Variants in CREB5 observed in about 807,000 individuals in gnomAD.
CREB5 encodes cAMP responsive element binding protein 5.
Under a neutral mutation model 57.1 loss-of-function variants are expected in CREB5, and 19 were observed. The observed-to-expected ratio is 0.33, with a 90% confidence interval of 0.23 to 0.49. The LOEUF is 0.49. CREB5 is among the 20% of genes least tolerant of loss of function. CREB5 has a pLI of 0.99. For missense variants in CREB5, 579 were observed against 671.6 expected (o/e 0.86, Z 1.52); for synonymous variants, 238 against 238.3 (o/e 1.00, Z 0.01).
chr7:28,365,859 A>G (rs1023929474), intron 1 of CREB5, among the ~76,000 whole-genome samples: 4 of 152,302 alleles, frequency 2.6e-5, no homozygotes, highest in African/African-American at 9.6e-5. Flanking sequence ...ACCTATAAAA[A>G]TTTTGTAAAA....
rs555101186 is a variant in CREB5, at chr7:28,375,036, G to A, written c.-25+75595G>A. Among the ~76,000 whole-genome samples the A allele has an allele frequency of 6.6e-5, 10 of 152,268 alleles. No homozygotes were observed. The South Asian group carries it at 2.1e-3, about 32-fold the overall frequency. On this transcript the variant is annotated intron_variant, in intron 1 of 9. Coordinates refer to the CREB5 transcript ENST00000396299. ...AAGTTATATGTGGGCAGTAGCAGGA[G>A]GTAATGGAAATGGTTTAAAACTGGA...
chr7:28,441,546 A>T (rs996055185), intron 1 of CREB5, among the ~76,000 whole-genome samples: 1 of 152,232 alleles, frequency 6.6e-6, no homozygotes, highest in Non-Finnish European at 1.5e-5. Flanking sequence ...GTCCAAAGAT[A>T]CCAAAAGCAT....
At chr7:28,358,586 C>G (rs1000763798) in intron 1 of CREB5, among the ~76,000 whole-genome samples, 6 of 152,214 alleles carry the variant, frequency 3.9e-5, no homozygotes, top group African/African-American at 1.2e-4. Context: ...TTTTGTTTTG[C>G]TTTTAAGTCA....
chr7:28,404,315 A>G (rs57001324), intron 1 of CREB5, among the ~76,000 whole-genome samples: 6,624 of 152,150 alleles, frequency 0.044, 185 homozygotes, highest in Non-Finnish European at 0.05. Context: ...TTGGGATGCC[A>G]TTGGTTTTTT....
At chr7:28,771,940 G>A (rs1464694101) in intron 7 of CREB5, among the ~76,000 whole-genome samples, 32 of 152,254 alleles carry the variant, frequency 2.1e-4, no homozygotes, top group Admixed American at 2.0e-3. Flanking sequence ...GATGTGTTGA[G>A]TCTCTATTTT....
At chr7:28,812,784 A>C (rs1809201618) in intron 9 of CREB5, among the ~76,000 whole-genome samples, 1 of 152,170 alleles carries the variant, frequency 6.6e-6, no homozygotes, top group African/African-American at 2.4e-5. Context: ...GACCTTTGTC[A>C]AAAGAAAAAG....
At position 28,820,059 on chromosome 7, in the gene CREB5, C is replaced by T. The variant is rs926454170; in HGVS notation, c.*780C>T. The T allele has an allele frequency of 3.3e-5, 5 of 151,462 alleles. No individual in the cohort carries two copies. The highest frequency in any genetic ancestry group is 1.9e-4 in the East Asian group (1 of 5,180). The allele number at this position is 151,462 out of a possible 1,614,324, so 9.4% of individuals were successfully genotyped here. A position where few individuals can be genotyped will look rare whatever the true frequency, so the allele number is the denominator to read the frequency against. ...TAACCATTGCTTCACTTACACTTCACCCACAGCTGGAGTTCATTCAACTCT... is the reference window on the plus strand; with the variant it reads ...TAACCATTGCTTCACTTACACTTCATCCACAGCTGGAGTTCATTCAACTCT... On this transcript the variant is annotated 3_prime_UTR_variant, in exon 11 of 11. Coordinates refer to ENST00000357727, the MANE Select transcript of CREB5 (RefSeq NM_182898.4).
intron 7 of CREB5, among the ~76,000 whole-genome samples, chr7:28,742,064 TAAAAAAAAAAA>T (rs58431827): frequency 9.0e-6 from 1 of 111,400 alleles, no homozygotes; most frequent in South Asian, 3.1e-4. Context: ...AGATTCCCTC[TAAAAAAAAAAA>T]AAAAAAAAAA....
At chr7:28,322,522 G>T (rs1340224042) in intron 1 of CREB5, among the ~76,000 whole-genome samples, 1 of 151,986 alleles carries the variant, frequency 6.6e-6, no homozygotes, top group Non-Finnish European at 1.5e-5. Flanking sequence ...GTGGTTTGTT[G>T]CACCTATCAA....
intron 1 of CREB5, among the ~76,000 whole-genome samples, chr7:28,383,050 A>C (rs1300292548): frequency 6.6e-6 from 1 of 152,152 alleles, no homozygotes; most frequent in Non-Finnish European, 1.5e-5. Flanking sequence ...GCCACTGTAG[A>C]GTGTTGAGTG....
chr7:28,369,353 G>A (rs1169053677), intron 1 of CREB5, among the ~76,000 whole-genome samples: 6 of 152,156 alleles, frequency 3.9e-5, no homozygotes, highest in African/African-American at 7.2e-5. Context: ...GAGCAATGAC[G>A]TGGAATTGGA....
At chr7:28,580,740 G>T (rs1191023393) in intron 5 of CREB5, among the ~76,000 whole-genome samples, 1 of 152,086 alleles carries the variant, frequency 6.6e-6, no homozygotes, top group East Asian at 1.9e-4. Flanking sequence ...GCTTGGTTGA[G>T]TTGGCAGTTT....
At chr7:28,750,547 T>C (rs1218713067) in intron 7 of CREB5, among the ~76,000 whole-genome samples, 1 of 152,210 alleles carries the variant, frequency 6.6e-6, no homozygotes, top group Non-Finnish European at 1.5e-5. Context: ...ACTATAGATA[T>C]GTGATACACA....
intron 3 of CREB5, among the ~76,000 whole-genome samples, chr7:28,504,888 G>C (rs1339502930): frequency 6.6e-6 from 1 of 152,138 alleles, no homozygotes; most frequent in East Asian, 1.9e-4. Context: ...TTCAGTATCT[G>C]GTTCCCTTGG....
At chr7:28,480,873 T>C (rs1384827044) in intron 1 of CREB5, among the ~76,000 whole-genome samples, 1 of 152,080 alleles carries the variant, frequency 6.6e-6, no homozygotes, top group Non-Finnish European at 1.5e-5. Context: ...ATTGAACCCA[T>C]AGAGAGGAAA....
At chr7:28,404,568 G>C (rs1456878013) in intron 1 of CREB5, among the ~76,000 whole-genome samples, 1 of 152,092 alleles carries the variant, frequency 6.6e-6, no homozygotes, top group Non-Finnish European at 1.5e-5. Context: ...GCTCCACCAG[G>C]CTTCTTTTAT....
intron 7 of CREB5, among the ~76,000 whole-genome samples, chr7:28,799,098 G>A (rs1016233106): frequency 6.6e-6 from 1 of 152,190 alleles, no homozygotes; most frequent in African/African-American, 2.4e-5. Flanking sequence ...TTAGGACTTC[G>A]AAGAGTGTCC....
intron 4 of CREB5, among the ~76,000 whole-genome samples, chr7:28,543,281 C>G (rs777464529): frequency 3.9e-5 from 6 of 152,124 alleles, no homozygotes; most frequent in Non-Finnish European, 8.8e-5. Context: ...GTGCTTCCCC[C>G]ACAGGTGATC....
At chr7:28,426,958 G>A (rs1788533461) in intron 1 of CREB5, among the ~76,000 whole-genome samples, 1 of 152,148 alleles carries the variant, frequency 6.6e-6, no homozygotes, top group African/African-American at 2.4e-5. Context: ...CCTAGAATCA[G>A]CATGAGATCT....
Sources: allele counts gnomAD v4.1 joint callset (sites outside exome capture counted in the v4.1 genomes callset), GRCh38; gene constraint gnomAD v4.1.1; transcripts MANE v1.5; gene names NCBI Gene and HGNC (gene_info 2026-07-23, HGNC 2026-07-21).